The following PPM1E variants were observed in gnomAD, a reference collection of about 807,000 sequenced individuals.
PPM1E encodes protein phosphatase 1E.
A neutral mutation model predicts 65.9 loss-of-function variants in PPM1E; 20 were observed. The ratio of observed to expected loss-of-function variants is 0.30; its 90% CI spans 0.21 to 0.44. PPM1E has a LOEUF of 0.44. Among genes scored for constraint, PPM1E ranks in the 20% least tolerant of loss-of-function variants. The pLI is 1.00. For missense variants in PPM1E, 713 were observed against 953.1 expected, an observed-to-expected ratio of 0.75 and a Z score of 3.32; for synonymous variants, 352 against 374.9, an observed-to-expected ratio of 0.94 and a Z score of 0.70.
At chr17:58,904,474 A>G (rs2051532566) in intron 1 of PPM1E, among the ~76,000 whole-genome samples, 2 of 152,338 alleles carry the variant, frequency 1.3e-5, no homozygotes, top group South Asian at 2.1e-4. Context: ...AGAATTTGAA[A>G]GTTCTTCTCA....
intron 6 of PPM1E, among the ~76,000 whole-genome samples, chr17:58,975,674 G>C (rs2030953929): frequency 6.6e-6 from 1 of 152,168 alleles, no homozygotes; most frequent in African/African-American, 2.4e-5. Context: ...AGCAGAGATG[G>C]GAGTGGTAGA....
At chr17:58,858,270 T>C (rs1567855340) in intron 1 of PPM1E, among the ~76,000 whole-genome samples, 1 of 152,096 alleles carries the variant, frequency 6.6e-6, no homozygotes, top group Admixed American at 6.5e-5. Context: ...CTTATCAGGG[T>C]AATTAGTGTA....
chr17:58,805,971 AAACAAAAAAAAAACAAAACAAAACAAAAC>A (rs2050305794), intron 1 of PPM1E, among the ~76,000 whole-genome samples: 1 of 118,980 alleles, frequency 8.4e-6, no homozygotes, highest in African/African-American at 3.7e-5. Context: ...CAAAAAAAAA[AAACAAAAAAAAAACAAAACAAAACAAAAC>A]AAAAAAAAAA....
Position 58,941,866 on chromosome 17 carries a change from G to A in PPM1E, c.465-13783G>A, listed in dbSNP as rs531614775. Among the ~76,000 whole-genome samples the A allele has an allele frequency of 5.3e-5, 8 of 151,368 alleles. No individual in the cohort carries two copies. In the East Asian group the frequency reaches 1.4e-3, roughly 26 times the overall value. ...CTAAAAATACAAAAATTAGCTGGGC[G>A]TGGTGGCAGGCACCTGTAATCCCAG... On this transcript the variant is annotated intron_variant, in intron 1 of 6. Transcript: ENST00000308249.
chr17:58,863,448 A>C (rs568921574), intron 1 of PPM1E, among the ~76,000 whole-genome samples: 2 of 152,314 alleles, frequency 1.3e-5, no homozygotes, highest in African/African-American at 4.8e-5. Flanking sequence ...CAAGTGTGTT[A>C]CAATGCTCTT....
chr17:58,929,452 A>G (rs1161130823), intron 1 of PPM1E, among the ~76,000 whole-genome samples: 1 of 152,200 alleles, frequency 6.6e-6, no homozygotes, highest in Non-Finnish European at 1.5e-5. Flanking sequence ...AAATTTTACT[A>G]AAGCCTGTAC....
chr17:58,771,543 G>A (rs1466540869), intron 1 of PPM1E, among the ~76,000 whole-genome samples: 2 of 151,590 alleles, frequency 1.3e-5, no homozygotes, highest in African/African-American at 4.8e-5. Flanking sequence ...AGAATCGCTT[G>A]AACCTGGGAG....
At chr17:58,816,572 A>G (rs1273970819) in intron 1 of PPM1E, among the ~76,000 whole-genome samples, 1 of 150,508 alleles carries the variant, frequency 6.6e-6, no homozygotes, top group Non-Finnish European at 1.5e-5. Flanking sequence ...ATCCCCTGCC[A>G]TCCCCTAGTA....
Position 58,980,374 on chromosome 17 carries a change from A to G in PPM1E, c.1611A>G (p.Pro537=). 1.2e-6 allele frequency: 2 copies of G among 1,614,194 alleles called. No homozygotes were observed. The highest frequency in any genetic ancestry group is 1.7e-6 in the Non-Finnish European group (2 of 1,180,022). ...GGCCTCAGCACCAGTGCTCAGCACC[A>G]GCCGACCTAGGCTATGATGGGCGTG... ...RPWPQHQCSA[P]ADLGYDGRVD... is the part of the protein sequence containing the mutation. The change falls in exon 7 of 7, where the codon CCA becomes CCG. Residue 537 remains proline (P), a synonymous_variant. Transcript: ENST00000308249. The surrounding 1 kb of genome is among the most constrained non-coding windows in gnomAD (Gnocchi z 4.7).
At position 58,964,487 on chromosome 17, in the gene PPM1E, AATAGGTGAAGCGGTAGAC is replaced by A. The variant is rs879778182; in HGVS notation, c.584-1178_584-1161del. Among the ~76,000 whole-genome samples the A allele has an allele frequency of 3.1e-3, 467 of 152,196 alleles. 1 individual carries two copies. The highest frequency in any genetic ancestry group is 0.01 in the Middle Eastern group (3 of 294). ...AGAAGTCAGCTCGCCAATTCTACCC[AATAGGTGAAGCGGTAGAC>A]ATAGGTGAAGCGGTAGACATAGGTG... is the stretch of plus-strand genomic sequence containing the variant. On this transcript the variant is annotated intron_variant, in intron 2 of 6. Coordinates refer to ENST00000308249, the MANE Select transcript of PPM1E (RefSeq NM_014906.5).
intron 2 of PPM1E, among the ~76,000 whole-genome samples, chr17:58,963,529 C>T (rs1219332507): frequency 6.6e-6 from 1 of 151,048 alleles, no homozygotes; most frequent in Non-Finnish European, 1.5e-5. Flanking sequence ...TGGTGAAATG[C>T]CATCTCTACT....
At chr17:58,834,029 A>T (rs957746916) in intron 1 of PPM1E, among the ~76,000 whole-genome samples, 2 of 152,000 alleles carry the variant, frequency 1.3e-5, no homozygotes, top group Non-Finnish European at 2.9e-5. Flanking sequence ...CATTGGCCAG[A>T]TGTATGTCTT....
intron 1 of PPM1E, among the ~76,000 whole-genome samples, chr17:58,800,270 A>G (rs1322811701): frequency 1.3e-5 from 2 of 152,098 alleles, no homozygotes; most frequent in East Asian, 3.9e-4. Flanking sequence ...AATAAATCTC[A>G]TTTAGTCATG....
At chr17:58,817,327 C>T (rs759042811) in intron 1 of PPM1E, among the ~76,000 whole-genome samples, 1 of 152,034 alleles carries the variant, frequency 6.6e-6, no homozygotes, top group Non-Finnish European at 1.5e-5. Context: ...TATGTCTAAT[C>T]GTTTGAGGAA....
Position 58,806,243 on chromosome 17 carries a change from T to G in PPM1E, c.464+49782T>G, listed in dbSNP as rs879349515. Among the ~76,000 whole-genome samples, 3 of 150,780 alleles carry G rather than the reference T, an allele frequency of 2.0e-5. No individual in the cohort carries two copies. The Admixed American group carries it at 2.0e-4, about 10-fold the overall frequency. On this transcript the variant is annotated intron_variant, in intron 1 of 6. Transcript: ENST00000308249. ...AGGTCTTTTGACTCCAAAGTCTATG[T>G]TTTTTTTTCCTTCTTATCAATGCGA...
At chr17:58,846,666 ACCATTG>A (rs1321320968) in intron 1 of PPM1E, among the ~76,000 whole-genome samples, 1 of 152,076 alleles carries the variant, frequency 6.6e-6, no homozygotes, top group Non-Finnish European at 1.5e-5. Flanking sequence ...AATCCAGTCT[ACCATTG>A]ATGGGCATTT....
intron 2 of PPM1E, among the ~76,000 whole-genome samples, chr17:58,958,873 G>A (rs1158156027): frequency 2.0e-5 from 3 of 151,920 alleles, no homozygotes; most frequent in Admixed American, 6.6e-5. Context: ...ATGAGCCACT[G>A]TGCCCAGCCC....
chr17:58,941,717 G>T (rs2052070362), intron 1 of PPM1E, among the ~76,000 whole-genome samples: 1 of 146,798 alleles, frequency 6.8e-6, no homozygotes, highest in Non-Finnish European at 1.5e-5. Context: ...AAAAATGCTG[G>T]TCATAGGCCG....
At chr17:58,979,834 A>T in intron 6 of PPM1E, 140 bp from the exon 7 acceptor site, 1 of 682,822 alleles carries the variant, frequency 1.5e-6, no homozygotes, top group Non-Finnish European at 2.4e-6. Flanking sequence ...TTTGTCAAAA[A>T]CTATTTTATA....
Sources: allele counts gnomAD v4.1 joint callset (sites outside exome capture counted in the v4.1 genomes callset), GRCh38; gene constraint gnomAD v4.1.1; non-coding constraint Gnocchi (gnomAD v3.1); transcripts MANE v1.5; gene names NCBI Gene and HGNC (gene_info 2026-07-23, HGNC 2026-07-21).